Variants in GABRG3 observed in about 807,000 individuals in gnomAD.
The protein encoded by GABRG3 is gamma-aminobutyric acid receptor subunit gamma-3.
A neutral mutation model predicts 48.8 loss-of-function variants in GABRG3; 25 were observed. The observed-to-expected ratio is 0.51, with a 90% CI of 0.37 to 0.72. GABRG3 has a LOEUF of 0.72. Ranked by LOEUF, GABRG3 falls within the 30% of genes least tolerant of loss-of-function variation. GABRG3 has a pLI of 0.00. For missense variants in GABRG3, 394 were observed against 577.9 expected (o/e 0.68, Z 3.26); for synonymous variants, 227 against 217.6 (o/e 1.04, Z -0.38).
chr15:27,408,090 T>A (rs1396750433), intron 5 of GABRG3, among the ~76,000 whole-genome samples: 1 of 152,154 alleles, frequency 6.6e-6, no homozygotes, highest in Non-Finnish European at 1.5e-5. Context: ...AATTTTACTG[T>A]GACCCGAAAA....
intron 5 of GABRG3, among the ~76,000 whole-genome samples, chr15:27,412,198 A>C (rs1172115777): frequency 6.6e-6 from 1 of 152,136 alleles, no homozygotes; most frequent in Non-Finnish European, 1.5e-5. Context: ...AGGAGCTTCC[A>C]CATTCCCTTC....
At chr15:27,406,134 T>A (rs371189832) in intron 5 of GABRG3, among the ~76,000 whole-genome samples, 1 of 152,160 alleles carries the variant, frequency 6.6e-6, no homozygotes, top group African/African-American at 2.4e-5. Flanking sequence ...TCAAAAAAAT[T>A]GATAATTAAA....
At chr15:27,313,382 ATAG>A (rs1342249373) in intron 3 of GABRG3, among the ~76,000 whole-genome samples, 1 of 146,568 alleles carries the variant, frequency 6.8e-6, no homozygotes, top group Non-Finnish European at 1.5e-5. Flanking sequence ...ATAGAAATAC[ATAG>A]TAGTAGGAGA....
intron 5 of GABRG3, among the ~76,000 whole-genome samples, chr15:27,401,283 C>A (rs1464621595): frequency 2.0e-5 from 3 of 152,114 alleles, no homozygotes; most frequent in Non-Finnish European, 4.4e-5. Context: ...TCGTTTACAT[C>A]AATGTGATTG....
chr15:27,265,920 G>A (rs1034613875), intron 3 of GABRG3, among the ~76,000 whole-genome samples: 6 of 101,406 alleles, frequency 5.9e-5, no homozygotes, highest in African/African-American at 2.7e-4. Flanking sequence ...CGCTCTTGTT[G>A]CTTAGGCTGG....
At chr15:27,051,950 G>T (rs112943155) in intron 3 of GABRG3, among the ~76,000 whole-genome samples, 2,477 of 152,228 alleles carry the variant, frequency 0.016, 72 homozygotes, top group African/African-American at 0.056. Flanking sequence ...TTCACAATAG[G>T]GTTCGTGCTC....
At position 26,974,043 on chromosome 15, in the gene GABRG3, G is replaced by A. The variant is rs1233568405; in HGVS notation, c.53+2455G>A. On this transcript the variant is annotated intron_variant, in intron 1 of 9. Coordinates refer to ENST00000615808, the MANE Select transcript of GABRG3 (RefSeq NM_033223.5). The surrounding 1 kb of genome is among the most constrained non-coding windows in gnomAD (Gnocchi z 4.3). ...TGTCAAAGCAAGGATTTTCCTGTGG[G>A]CCTGGTGGTCTGGCACTAGCAATGT... Among the ~76,000 whole-genome samples, 1 of 152,156 alleles carries A rather than the reference G, an allele frequency of 6.6e-6. No homozygotes were observed. Among genetic ancestry groups the A allele is most frequent in the Non-Finnish European group, 1.5e-5 (1 of 68,030 alleles).
At chr15:27,195,308 T>C (rs116532227) in intron 3 of GABRG3, among the ~76,000 whole-genome samples, 301 of 152,282 alleles carry the variant, frequency 2.0e-3, no homozygotes, top group African/African-American at 7.0e-3. Flanking sequence ...TTGTTTTCTC[T>C]TTCTCTCCCT....
intron 3 of GABRG3, among the ~76,000 whole-genome samples, chr15:27,117,109 A>G (rs771723879): frequency 3.9e-5 from 6 of 152,226 alleles, no homozygotes; most frequent in African/African-American, 1.2e-4. Flanking sequence ...GTTAAACAAT[A>G]GCTCAAGGTC....
chr15:27,004,305 A>G (rs865921511), intron 2 of GABRG3, among the ~76,000 whole-genome samples: 37 of 148,802 alleles, frequency 2.5e-4, no homozygotes, highest in Middle Eastern at 3.5e-3. Context: ...CTCACATCCC[A>G]GACGGGGTGG....
chr15:27,324,545 A>G (rs535443656), intron 3 of GABRG3, among the ~76,000 whole-genome samples: 1 of 152,174 alleles, frequency 6.6e-6, no homozygotes, highest in Non-Finnish European at 1.5e-5. Context: ...TAAAGTGGGC[A>G]TTGGATAATA....
intron 5 of GABRG3, among the ~76,000 whole-genome samples, chr15:27,430,846 T>A (rs1463401905): frequency 6.6e-6 from 1 of 151,818 alleles, no homozygotes; most frequent in African/African-American, 2.4e-5. Flanking sequence ...AAAAATTAGC[T>A]GGGTGTGGTG....
intron 5 of GABRG3, among the ~76,000 whole-genome samples, chr15:27,404,134 T>G (rs918063572): frequency 3.3e-4 from 50 of 152,034 alleles, no homozygotes; most frequent in Admixed American, 4.6e-4. Context: ...GGCAGGAGAA[T>G]GGCACGAACC....
intron 2 of GABRG3, among the ~76,000 whole-genome samples, chr15:26,985,402 A>C (rs899313368): frequency 1.3e-5 from 2 of 152,208 alleles, no homozygotes; most frequent in Non-Finnish European, 2.9e-5. Context: ...GTGTCCCCCA[A>C]ATAGGTCAGG....
intron 3 of GABRG3, among the ~76,000 whole-genome samples, chr15:27,326,235 C>T (rs997477665): frequency 5.9e-5 from 9 of 152,232 alleles, no homozygotes; most frequent in African/African-American, 2.2e-4. Flanking sequence ...GTCCTCTCTA[C>T]AGTTCTTTGT....
chr15:27,216,545 C>A (rs546956394), intron 3 of GABRG3, among the ~76,000 whole-genome samples: 1 of 152,228 alleles, frequency 6.6e-6, no homozygotes, highest in Admixed American at 6.5e-5. Context: ...TGACATTTAC[C>A]TCCATCCGTG....
chr15:27,405,892 A>T (rs544656383), intron 5 of GABRG3, among the ~76,000 whole-genome samples: 1 of 152,138 alleles, frequency 6.6e-6, no homozygotes, highest in African/African-American at 2.4e-5. Flanking sequence ...ATGTAGGCAA[A>T]TGGAGCATCC....
chr15:27,185,395 A>G (rs1239393982), intron 3 of GABRG3, among the ~76,000 whole-genome samples: 2 of 152,184 alleles, frequency 1.3e-5, no homozygotes, highest in Non-Finnish European at 2.9e-5. Flanking sequence ...GTCAAAGAAC[A>G]TACTTCCTTC....
At chr15:26,983,198 C>T (rs1044625009) in intron 2 of GABRG3, among the ~76,000 whole-genome samples, 5 of 150,860 alleles carry the variant, frequency 3.3e-5, no homozygotes, top group African/African-American at 9.8e-5. Context: ...CTATAACCAT[C>T]AGGCCTTCTC....
Sources: allele counts gnomAD v4.1 joint callset (sites outside exome capture counted in the v4.1 genomes callset), GRCh38; gene constraint gnomAD v4.1.1; non-coding constraint Gnocchi (gnomAD v3.1); transcripts MANE v1.5; gene names NCBI Gene and HGNC (gene_info 2026-07-23, HGNC 2026-07-21).